The following CSF2RA variants were observed in gnomAD, a reference collection of about 807,000 sequenced individuals.
CSF2RA encodes granulocyte-macrophage colony-stimulating factor receptor subunit alpha.
A neutral mutation model predicts 51.6 loss-of-function variants in CSF2RA; 42 were observed. The ratio of observed to expected loss-of-function variants is 0.81; its 90% CI spans 0.64 to 1.05. CSF2RA has a LOEUF of 1.05. Ranked by LOEUF, CSF2RA falls within the 50% of genes least tolerant of loss-of-function variation. The pLI, the probability that CSF2RA is intolerant of heterozygous loss-of-function variation, is 0.00. For synonymous variants in CSF2RA, 222 were observed against 193.0 expected, an observed-to-expected ratio of 1.15 and a Z score of -1.24; for missense variants, 530 against 501.1, an observed-to-expected ratio of 1.06 and a Z score of -0.55.
chrX:1,300,636 G>C lies in CSF2RA; in HGVS notation c.946+10G>C. On this transcript the variant is annotated intron_variant, in intron 10 of 12. Transcript: ENST00000381529. ...GAAGCCATTGAATTTGGTAAGCGTT[G>C]GGCGGAGGTAAGGGATGTTTGTGCC... is the stretch of plus-strand genomic sequence containing the variant. 1 of 1,613,886 alleles carries C rather than the reference G, an allele frequency of 6.2e-7. No homozygotes were observed.
At chrX:1,301,046 G>A (rs1172801168) in intron 10 of CSF2RA, among the ~76,000 whole-genome samples, 4 of 151,796 alleles carry the variant, frequency 2.6e-5, no homozygotes, top group South Asian at 2.1e-4. Context: ...CCAGCTACTC[G>A]GGAGGCTGAG....
chrX:1,300,428 A>G, intron 9 of CSF2RA, 63 bp from the exon 10 acceptor site: 3 of 1,586,584 alleles, frequency 1.9e-6, no homozygotes, highest in Non-Finnish European at 2.6e-6. Context: ...AAAGAACGAA[A>G]AAAGGCAACC....
At chrX:1,296,518 C>G (rs1386884677) in intron 9 of CSF2RA, among the ~76,000 whole-genome samples, 1 of 22,764 alleles carries the variant, frequency 4.4e-5, no homozygotes, top group Non-Finnish European at 9.4e-5. Context: ...TGACCCCTGG[C>G]GGAACTGTAC....
At chrX:1,304,583 G>A (rs778180394) in intron 11 of CSF2RA, among the ~76,000 whole-genome samples, 1 of 151,776 alleles carries the variant, frequency 6.6e-6, no homozygotes, top group East Asian at 2.0e-4. Context: ...GAGCTCCAGA[G>A]GGGAAACGCC....
the CSF2RA span, among the ~76,000 whole-genome samples, chrX:1,323,148 A>G: frequency 6.9e-6 from 1 of 145,728 alleles, no homozygotes; most frequent in Non-Finnish European, 1.5e-5. Context: ...ACAATACAAT[A>G]CATTACAATT....
chrX:1,303,738 A>G (rs776988908), intron 10 of CSF2RA, among the ~76,000 whole-genome samples, 185 bp from the exon 11 acceptor site: 50 of 152,264 alleles, frequency 3.3e-4, no homozygotes, highest in Non-Finnish European at 8.8e-5. Context: ...TAGGGCAGGC[A>G]GGTTGCTTTC....
chrX:1,283,099 CTTCCTTCGTTCCTTCG>C lies in CSF2RA; in HGVS notation c.76+336_76+351del, dbSNP rs756495435. ...CTGCATGGGGCCAAAGTGTTCCTTCCTTCCTTCGTTCCTTCGTTCCTTCGTTCCTTCCTTCCTTCCT... is the reference window on the plus strand; with the variant it reads ...CTGCATGGGGCCAAAGTGTTCCTTCCTTCCTTCGTTCCTTCCTTCCTTCCT... On this transcript the variant is annotated intron_variant, in intron 3 of 12. Coordinates refer to ENST00000381529, the MANE Select transcript of CSF2RA (RefSeq NM_172245.4). 1.7e-4 allele frequency among the ~76,000 whole-genome samples: 25 copies of C among 150,674 alleles called. No individual in the cohort carries two copies. In the East Asian group the frequency reaches 2.9e-3, roughly 18 times the overall value.
chrX:1,314,972 G>GGCA (rs2084501465), downstream of CSF2RA, among the ~76,000 whole-genome samples: 2 of 45,148 alleles, frequency 4.4e-5, no homozygotes, highest in African/African-American at 1.5e-4. Flanking sequence ...ACCCCACTGT[G>GGCA]CCTGCCCAAT....
intron 4 of CSF2RA, among the ~76,000 whole-genome samples, chrX:1,287,564 C>G (rs1463668037): frequency 1.3e-5 from 2 of 149,500 alleles, no homozygotes; most frequent in African/African-American, 2.5e-5. Context: ...CTGCCTCAGC[C>G]TCCTGAGTAG....
rs2090185424 is a variant in CSF2RA at position 1,282,674 on chromosome X, G to A, written c.-26-4G>A. 1 of 1,595,286 alleles carries A rather than the reference G, an allele frequency of 6.3e-7. No homozygotes were observed. Among genetic ancestry groups the A allele is most frequent in the Non-Finnish European group, 8.6e-7 (1 of 1,162,912 alleles). On this transcript the variant is annotated splice_region_variant and splice_polypyrimidine_tract_variant and intron_variant, in intron 2 of 12. Coordinates refer to ENST00000381529, the MANE Select transcript of CSF2RA (RefSeq NM_172245.4). ...CTCACTGTGTGATATTTTCTCTCCT[G>A]CAGCTCTTCCCTTCTCTCTGACCAG...
At chrX:1,323,363 A>G in the CSF2RA span, among the ~76,000 whole-genome samples, 1 of 151,768 alleles carries the variant, frequency 6.6e-6, no homozygotes, top group South Asian at 2.1e-4. Context: ...GAGCCACCGC[A>G]CCTGGCCCCA....
intron 4 of CSF2RA, among the ~76,000 whole-genome samples, chrX:1,286,228 G>C (rs1433791078): frequency 2.0e-5 from 3 of 151,686 alleles, no homozygotes; most frequent in African/African-American, 7.3e-5. Flanking sequence ...AGTCGAGCTC[G>C]TGCCATTGCA....
intron 2 of CSF2RA, among the ~76,000 whole-genome samples, chrX:1,280,269 C>T (rs1467133770): frequency 3.3e-4 from 50 of 151,984 alleles, no homozygotes; most frequent in African/African-American, 1.0e-3. Flanking sequence ...GTCAGGAGTT[C>T]GAGCCCAGCC....
At chrX:1,312,443 C>A (rs2084231443), downstream of CSF2RA, among the ~76,000 whole-genome samples, 1 of 151,926 alleles carries the variant, frequency 6.6e-6, no homozygotes, top group African/African-American at 2.4e-5. Context: ...TCTTTGGGAC[C>A]ATTATTCTGT....
the CSF2RA span, among the ~76,000 whole-genome samples, chrX:1,324,905 C>G: frequency 6.6e-6 from 1 of 152,094 alleles, no homozygotes; most frequent in African/African-American, 2.4e-5. Context: ...AGCCCTGTGT[C>G]CAAGAACTGG....
intron 4 of CSF2RA, among the ~76,000 whole-genome samples, chrX:1,286,890 A>T (rs1355181647): frequency 6.6e-6 from 1 of 152,052 alleles, no homozygotes; most frequent in African/African-American, 2.4e-5. Context: ...TCCCCAAGGG[A>T]TTAAGGTCAG....
chrX:1,298,895 G>A (rs1357774298), intron 9 of CSF2RA, among the ~76,000 whole-genome samples: 6 of 152,102 alleles, frequency 3.9e-5, no homozygotes, highest in Admixed American at 3.9e-4. Flanking sequence ...CCTGGATCCA[G>A]TGTAGACAGG....
the CSF2RA span, among the ~76,000 whole-genome samples, chrX:1,321,251 C>T: frequency 0.049 from 7,418 of 152,012 alleles, 616 homozygotes; most frequent in African/African-American, 0.17. Flanking sequence ...GGGTGGATCA[C>T]GAGGTCAGGA....
chrX:1,320,698 A>G, the CSF2RA span, among the ~76,000 whole-genome samples: 1 of 142,326 alleles, frequency 7.0e-6, no homozygotes, highest in East Asian at 2.1e-4. Context: ...ATTTTAGTAG[A>G]GACGGGGTTT....
Sources: allele counts gnomAD v4.1 joint callset (sites outside exome capture counted in the v4.1 genomes callset), GRCh38; gene constraint gnomAD v4.1.1; transcripts MANE v1.5; gene names NCBI Gene and HGNC (gene_info 2026-07-23, HGNC 2026-07-21).